Variants in TBC1D5 observed in about 807,000 individuals in gnomAD.
TBC1D5 encodes the protein TBC1 domain family member 5.
TBC1D5 carries 75 observed loss-of-function variants against 100.3 expected under a neutral mutation model. The ratio of observed to expected loss-of-function variants is 0.75; its 90% confidence interval spans 0.62 to 0.91. The LOEUF is 0.91. Ranked by LOEUF, TBC1D5 falls within the 40% of genes least tolerant of loss-of-function variation. TBC1D5 has a pLI of 0.00. For missense variants in TBC1D5, 910 were observed against 942.4 expected (o/e 0.97, Z 0.45); for synonymous variants, 323 against 325.6 (o/e 0.99, Z 0.09).
chr3:17,707,268 A>G (rs74536882), intron 1 of TBC1D5, among the ~76,000 whole-genome samples: 462 of 152,178 alleles, frequency 3.0e-3, no homozygotes, highest in African/African-American at 0.011. Flanking sequence ...CTCATTTATA[A>G]AAAGTGATCT....
intron 2 of TBC1D5, among the ~76,000 whole-genome samples, chr3:17,600,734 A>C (rs976507949): frequency 6.6e-6 from 1 of 152,154 alleles, no homozygotes. Flanking sequence ...GATTCTGGAA[A>C]TTCAGTAAAA....
chr3:17,521,238 C>T (rs2096060262), intron 2 of TBC1D5, among the ~76,000 whole-genome samples: 1 of 152,128 alleles, frequency 6.6e-6, no homozygotes. Context: ...GTTTGAACTG[C>T]ACCGGTCCAT....
intron 19 of TBC1D5, among the ~76,000 whole-genome samples, chr3:17,170,998 T>C (rs931773279): frequency 6.6e-6 from 1 of 152,258 alleles, no homozygotes; most frequent in Admixed American, 6.5e-5. Flanking sequence ...AGACTTATCA[T>C]CCCAATACAG....
chr3:17,529,134 G>A (rs959694653), intron 2 of TBC1D5, among the ~76,000 whole-genome samples: 9 of 152,040 alleles, frequency 5.9e-5, no homozygotes, highest in Admixed American at 2.6e-4. Context: ...AAACCCCTTC[G>A]ATGAGTGACT....
chr3:17,317,599 A>G (rs556209624), intron 13 of TBC1D5, among the ~76,000 whole-genome samples: 6 of 152,258 alleles, frequency 3.9e-5, no homozygotes, highest in Admixed American at 2.0e-4. Context: ...ACAATCAATT[A>G]TATCTATGTG....
At chr3:17,356,403 G>C (rs550985469) in intron 13 of TBC1D5, among the ~76,000 whole-genome samples, 12 of 152,250 alleles carry the variant, frequency 7.9e-5, no homozygotes, top group African/African-American at 2.9e-4. Context: ...CTTCTAAGAA[G>C]AATGTTCCCT....
intron 13 of TBC1D5, among the ~76,000 whole-genome samples, chr3:17,364,587 C>CA (rs145947123): frequency 0.09 from 13,693 of 152,162 alleles, 1,414 homozygotes; most frequent in African/African-American, 0.26. Context: ...CAAGCTACAT[C>CA]ATTTATTTTA....
At chr3:17,452,025 TAA>T (rs779434765) in intron 3 of TBC1D5, among the ~76,000 whole-genome samples, 10 of 152,130 alleles carry the variant, frequency 6.6e-5, no homozygotes, top group African/African-American at 1.2e-4. Flanking sequence ...GGGTCAGAAA[TAA>T]AGAGTTTTTA....
At chr3:17,735,713 C>G (rs1409250387) in intron 1 of TBC1D5, among the ~76,000 whole-genome samples, 1 of 152,194 alleles carries the variant, frequency 6.6e-6, no homozygotes, top group Non-Finnish European at 1.5e-5. Context: ...AGTCTTTAGC[C>G]CGATCAGGAG....
chr3:17,360,613 T>C (rs947602360), intron 13 of TBC1D5, among the ~76,000 whole-genome samples: 6 of 152,124 alleles, frequency 3.9e-5, no homozygotes, highest in African/African-American at 1.2e-4. Context: ...TTTAGAAATA[T>C]ACATTTTTAA....
intron 2 of TBC1D5, among the ~76,000 whole-genome samples, chr3:17,521,657 TG>T (rs951213395): frequency 2.6e-5 from 4 of 151,522 alleles, no homozygotes; most frequent in African/African-American, 9.7e-5. Flanking sequence ...GTGCATAATT[TG>T]GGGGGGGAAA....
chr3:17,237,347 C>G (rs966494080), intron 17 of TBC1D5, among the ~76,000 whole-genome samples: 7 of 152,170 alleles, frequency 4.6e-5, no homozygotes, highest in African/African-American at 1.7e-4. Context: ...TTTCCAATTT[C>G]TTTTGAAAAG....
intron 3 of TBC1D5, among the ~76,000 whole-genome samples, chr3:17,437,259 A>G (rs2094552162): frequency 6.6e-6 from 1 of 152,158 alleles, no homozygotes; most frequent in African/African-American, 2.4e-5. Context: ...TTATTTATGA[A>G]TTACCCAGTC....
intron 4 of TBC1D5, among the ~76,000 whole-genome samples, chr3:17,419,050 A>T (rs2149238694): frequency 6.6e-6 from 1 of 152,338 alleles, no homozygotes; most frequent in South Asian, 2.1e-4. Flanking sequence ...AAGAATACTG[A>T]CAGATAACCA....
In TBC1D5 at chr3:17,219,994, T is replaced by C. The variant is rs76067310; in HGVS notation, c.1589-5624A>G. Among the ~76,000 whole-genome samples, 29 of 152,274 alleles carry C rather than the reference T, an allele frequency of 1.9e-4. No individual in the cohort carries two copies. The East Asian group carries it at 4.6e-3, about 24-fold the overall frequency. ...TGAACCTACCTTGATCTTGGAAATT[T>C]GTCTATGTCATATGTCCTCTTTTTA... On this transcript the variant is annotated intron_variant, in intron 17 of 21. Coordinates refer to ENST00000253692, the Ensembl canonical transcript of TBC1D5.
At chr3:17,356,973 G>C (rs1357435219) in intron 13 of TBC1D5, among the ~76,000 whole-genome samples, 2 of 144,128 alleles carry the variant, frequency 1.4e-5, no homozygotes, top group Non-Finnish European at 3.0e-5. Context: ...GGGTTGTGGG[G>C]AGATAATCAC....
At chr3:17,686,393 T>C (rs114154050) in intron 1 of TBC1D5, among the ~76,000 whole-genome samples, 72 of 152,294 alleles carry the variant, frequency 4.7e-4, no homozygotes, top group African/African-American at 1.6e-3. Flanking sequence ...TGATAGGTTT[T>C]TGACACACTG....
intron 1 of TBC1D5, among the ~76,000 whole-genome samples, chr3:17,689,518 C>CAAAAAAAAAAAAAAAAAAAAA (rs373476990): frequency 1.8e-5 from 1 of 55,072 alleles, no homozygotes. Context: ...GACCCTGTCT[C>CAAAAAAAAAAAAAAAAAAAAA]AAAAAAAAAA....
chr3:17,322,695 A>G (rs2085580588), intron 13 of TBC1D5, among the ~76,000 whole-genome samples: 4 of 152,244 alleles, frequency 2.6e-5, no homozygotes, highest in African/African-American at 9.6e-5. Context: ...ATCTCCAGAA[A>G]TCTGCACAAG....
Sources: allele counts gnomAD v4.1 joint callset (sites outside exome capture counted in the v4.1 genomes callset), GRCh38; gene constraint gnomAD v4.1.1; transcripts MANE v1.5; gene names NCBI Gene and HGNC (gene_info 2026-07-23, HGNC 2026-07-21).